RADIL: variants seen among roughly 807,000 people sequenced by gnomAD.
The protein encoded by RADIL is Rap associating with DIL domain, also known as ras-associating and dilute domain-containing protein.
RADIL carries 99 observed loss-of-function variants against 97.6 expected under a neutral mutation model. The observed-to-expected ratio is 1.01, with a 90% CI of 0.86 to 1.20. The LOEUF is 1.20. RADIL is among the 50% of genes most tolerant of loss of function. The probability of loss-of-function intolerance (pLI) is 0.00; values close to 1 mark genes in which losing one functional copy is unlikely to be tolerated. For synonymous variants in RADIL, 803 were observed against 691.8 expected (o/e 1.16, Z -2.52); for missense variants, 1,765 against 1,498.9 (o/e 1.18, Z -2.93).
At chr7:4,838,970 T>G (rs1583297503) in intron 2 of RADIL, among the ~76,000 whole-genome samples, 1 of 152,290 alleles carries the variant, frequency 6.6e-6, no homozygotes, top group Non-Finnish European at 1.5e-5. Flanking sequence ...CGTGCACACG[T>G]ACATTCAGCA....
intron 2 of RADIL, among the ~76,000 whole-genome samples, chr7:4,855,725 T>C (rs1293106281): frequency 6.6e-6 from 1 of 151,912 alleles, no homozygotes; most frequent in East Asian, 1.9e-4. Context: ...TATTGGCCGT[T>C]CCTAGCTCCT....
At chr7:4,831,237 G>C (rs927443103) in intron 5 of RADIL, among the ~76,000 whole-genome samples, 1 of 151,534 alleles carries the variant, frequency 6.6e-6, no homozygotes, top group Non-Finnish European at 1.5e-5. Context: ...TCCTTTGCAG[G>C]GACATGGATG....
At chr7:4,810,355 G>A (rs1198331904) in intron 9 of RADIL, among the ~76,000 whole-genome samples, 1 of 152,060 alleles carries the variant, frequency 6.6e-6, no homozygotes, top group Non-Finnish European at 1.5e-5. Context: ...AAGATGATGT[G>A]GGGTGGTCTT....
rs1223360160 is a variant in RADIL at position 4,840,058 on chromosome 7, T to C, written c.536-3453A>G. On this transcript the variant is annotated intron_variant, in intron 2 of 14. Transcript: ENST00000399583. The surrounding 1 kb of genome is among the most constrained non-coding windows in gnomAD (Gnocchi z 5.6). The stretch of plus-strand genomic sequence containing the variant: ...GCCACCGCGCCCAGCATAAACACTT[T>C]TGTTAAAATAAAAATCACAGAAGTT... Among the ~76,000 whole-genome samples the C allele has an allele frequency of 2.0e-5, 3 of 152,132 alleles. No individual in the cohort carries two copies. The highest frequency in any genetic ancestry group is 7.2e-5 in the African/African-American group (3 of 41,438).
intron 2 of RADIL, among the ~76,000 whole-genome samples, chr7:4,866,135 C>T (rs950493168): frequency 1.3e-5 from 2 of 151,986 alleles, no homozygotes; most frequent in Admixed American, 6.6e-5. Flanking sequence ...TGTGCGTGTG[C>T]ATGTGCGTGT....
intron 5 of RADIL, among the ~76,000 whole-genome samples, chr7:4,827,762 C>T (rs923808393): frequency 3.3e-5 from 5 of 152,176 alleles, no homozygotes; most frequent in African/African-American, 7.2e-5. Flanking sequence ...GACTCTGGCC[C>T]GGATGTTCTT....
In RADIL at chr7:4,814,536, AG is replaced by A. The variant is rs964711230; in HGVS notation, c.2139+741del. Among the ~76,000 whole-genome samples the A allele has an allele frequency of 1.4e-5, 2 of 139,872 alleles. No individual in the cohort carries two copies. Among genetic ancestry groups the A allele is most frequent in the Non-Finnish European group, 1.6e-5 (1 of 64,036 alleles). 91.8% of individuals were successfully genotyped at this position (139,872 alleles called of 152,430 possible). A position where few individuals can be genotyped will look rare whatever the true frequency, so the allele number is the denominator to read the frequency against. ...ATTACCTGTGATGACTGTGTTGGGA[AG>A]GGGGGTGGTGAGTGGCTGACTGTGT... On this transcript the variant is annotated intron_variant, in intron 9 of 14. Transcript: ENST00000399583. This position sits in a 1 kb window ranked among gnomAD's most constrained non-coding sequence, Gnocchi z 4.5.
intron 5 of RADIL, among the ~76,000 whole-genome samples, chr7:4,823,148 A>G (rs920901312): frequency 6.6e-6 from 1 of 152,096 alleles, no homozygotes; most frequent in Non-Finnish European, 1.5e-5. Flanking sequence ...GAAGACTCAG[A>G]GGCAATCGTT....
chr7:4,810,653 G>T (rs533728942), intron 9 of RADIL, among the ~76,000 whole-genome samples: 1 of 152,226 alleles, frequency 6.6e-6, no homozygotes, highest in Non-Finnish European at 1.5e-5. Flanking sequence ...AAGCATCTCC[G>T]TCGGGGAAAT....
In RADIL at chr7:4,837,885, C is replaced by G. The variant is rs898579655; in HGVS notation, c.536-1280G>C. The G allele has an allele frequency of 2.0e-6, 2 of 985,440 alleles. No individual in the cohort carries two copies. Among genetic ancestry groups the G allele is most frequent in the Non-Finnish European group, 2.4e-6 (2 of 829,944 alleles). The allele number at this position is 985,440 out of a possible 1,614,324, so 61.0% of individuals were successfully genotyped here. A position where few individuals can be genotyped will look rare whatever the true frequency, so the allele number is the denominator to read the frequency against. ...TGAGCCCTCTGCTGAGTTCCCTGTA[C>G]GCAGCCTTTCAGGTTAAGATCCATC... On this transcript the variant is annotated intron_variant, in intron 2 of 14. Transcript: ENST00000399583. The surrounding 1 kb of genome is among the most constrained non-coding windows in gnomAD (Gnocchi z 5.6).
In RADIL at chr7:4,834,922, C is replaced by T. The variant is rs752201637; in HGVS notation, c.1101G>A (p.Arg367=). 6.4e-7 allele frequency: 1 copy of T among 1,566,958 alleles called. No individual in the cohort carries two copies. The highest frequency in any genetic ancestry group is 1.2e-5 in the South Asian group (1 of 84,856). The change falls in exon 4 of 15, where the codon CGG becomes CGA. Residue 367 remains arginine (R), a synonymous_variant. Coordinates refer to ENST00000399583, the MANE Select transcript of RADIL (RefSeq NM_018059.5). This position sits in a 1 kb window ranked among gnomAD's most constrained non-coding sequence, Gnocchi z 6.0. The stretch of plus-strand genomic sequence containing the variant: ...GCACAGCCCGGAGGCGCGCCAAGGC[C>T]CGGGCGGGCAGGGGCTGGGCCTGCG... ...DPAQAQPLPA[R]ALARLRAVPQ...
rs1488720945 is a variant in RADIL, at chr7:4,822,736, A to C, written c.1455-182T>G. On this transcript the variant is annotated intron_variant, in intron 5 of 14. Coordinates refer to ENST00000399583, the MANE Select transcript of RADIL (RefSeq NM_018059.5). The surrounding 1 kb of genome is among the most constrained non-coding windows in gnomAD (Gnocchi z 5.3). ...GTGTACCCGCCTGGCACCTGCCTAC[A>C]ACACCCGACAGCCAGAGGACCCTAC... is the stretch of plus-strand genomic sequence containing the variant. Among the ~76,000 whole-genome samples the C allele has an allele frequency of 3.3e-5, 5 of 152,270 alleles. No homozygotes were observed. In the East Asian group the frequency reaches 7.7e-4, roughly 24 times the overall value.
intron 2 of RADIL, among the ~76,000 whole-genome samples, chr7:4,845,981 G>A (rs990575402): frequency 1.3e-5 from 2 of 152,120 alleles, no homozygotes; most frequent in African/African-American, 4.8e-5. Context: ...AGAGGGTCAC[G>A]GTGACCAGCG....
rs1284454870 is a variant in RADIL at position 4,819,039 on chromosome 7, G to T, written c.1616-1688C>A. Among the ~76,000 whole-genome samples, 3 of 150,660 alleles carry T rather than the reference G, an allele frequency of 2.0e-5. No homozygotes were observed. The highest frequency in any genetic ancestry group is 7.4e-5 in the African/African-American group (3 of 40,676). The stretch of plus-strand genomic sequence containing the variant: ...TTACAGGCATGCACCCCTGCACCCG[G>T]CCCTGAGACTCCATTTCTCTCTCTC... On this transcript the variant is annotated intron_variant, in intron 6 of 14. Coordinates refer to ENST00000399583, the MANE Select transcript of RADIL (RefSeq NM_018059.5). This position sits in a 1 kb window ranked among gnomAD's most constrained non-coding sequence, Gnocchi z 5.8.
At chr7:4,860,290 T>C in intron 2 of RADIL, 1 of 1,613,942 alleles carries the variant, frequency 6.2e-7, no homozygotes, top group South Asian at 1.1e-5. Flanking sequence ...TTGAGTGTGC[T>C]TTCTTGTCCT....
chr7:4,816,471 G>C lies in RADIL; in HGVS notation c.1729-6C>G, dbSNP rs767260197. The C allele has an allele frequency of 1.9e-6, 3 of 1,596,112 alleles. No individual in the cohort carries two copies. The highest frequency in any genetic ancestry group is 2.2e-5 in the South Asian group (2 of 90,046). ...GGGAGGCAGATGTACAGGGACTGGC[G>C]GGGGCAAGAGGAGAACAGCAACCAG... is the stretch of plus-strand genomic sequence containing the variant. On this transcript the variant is annotated splice_region_variant and splice_polypyrimidine_tract_variant and intron_variant, in intron 7 of 14. Coordinates refer to ENST00000399583, the MANE Select transcript of RADIL (RefSeq NM_018059.5).
In RADIL at chr7:4,836,512, C is replaced by T. The variant is rs368120666; in HGVS notation, c.629G>A (p.Arg210Gln). ...GGTCTCACTGACTGTGCGGCGCAAC[C>T]GGGGTGGAGGAGAGCTCCGGGCATC... ...LGDARSSPPP[R>Q]LRRTVSETSL... The change falls in exon 3 of 15, where the codon CGG becomes CAG. Residue 210 changes from arginine (R) to glutamine (Q), a missense_variant. Coordinates refer to ENST00000399583, the MANE Select transcript of RADIL (RefSeq NM_018059.5). 86 of 1,607,156 alleles carry T rather than the reference C, an allele frequency of 5.4e-5. No homozygotes were observed. The African/African-American group carries it at 8.9e-4, about 17-fold the overall frequency.
chr7:4,843,586 T>C (rs971238594), intron 2 of RADIL, among the ~76,000 whole-genome samples: 9 of 152,190 alleles, frequency 5.9e-5, no homozygotes, highest in Admixed American at 3.9e-4. Context: ...TCTGGGCATT[T>C]TGCATCTAAT....
At position 4,854,784 on chromosome 7, in the gene RADIL, G is replaced by A. The variant is rs1018404258; in HGVS notation, c.536-18179C>T. Among the ~76,000 whole-genome samples the A allele has an allele frequency of 1.3e-5, 2 of 152,104 alleles. No homozygotes were observed. The highest frequency in any genetic ancestry group is 4.8e-5 in the African/African-American group (2 of 41,422). Reference sequence around the variant, plus strand: ...CACATATGAAAGCATTTGTAACTTAGACTAATAACAAAATAAACACCATTT... The same window carrying A: ...CACATATGAAAGCATTTGTAACTTAAACTAATAACAAAATAAACACCATTT... On this transcript the variant is annotated intron_variant, in intron 2 of 14. Transcript: ENST00000399583. The surrounding 1 kb of genome is among the most constrained non-coding windows in gnomAD (Gnocchi z 5.1).
Sources: gnomAD v4.1 joint callset for allele counts (sites outside exome capture counted in the v4.1 genomes callset) on GRCh38, gnomAD v4.1.1 for gene constraint, Gnocchi (gnomAD v3.1) non-coding constraint, MANE v1.5 for transcripts, NCBI Gene and HGNC (gene_info 2026-07-23, HGNC 2026-07-21) for gene names.